Variants in CFAP91 observed in about 807,000 individuals in gnomAD.
CFAP91 encodes cilia- and flagella-associated protein 91.
In CFAP91, 85 loss-of-function variants were observed where a neutral mutation model predicts 95.9. The observed-to-expected ratio is 0.89, with a 90% CI of 0.74 to 1.06. The LOEUF (loss-of-function observed/expected upper bound fraction) is 1.06, where lower values mean the gene tolerates loss of function less well. CFAP91 is among the 50% of genes least tolerant of loss of function. CFAP91 has a pLI of 0.00. For missense variants in CFAP91, 962 were observed against 943.4 expected (o/e 1.02, Z -0.26); for synonymous variants, 335 against 327.5 (o/e 1.02, Z -0.25).
At position 119,742,995 on chromosome 3, in the gene CFAP91, A is replaced by G. The variant is rs1004140988; in HGVS notation, c.1681-980A>G. Among the ~76,000 whole-genome samples, 19 of 152,316 alleles carry G rather than the reference A, an allele frequency of 1.2e-4. No homozygotes were observed. The East Asian group carries it at 3.7e-3, about 29-fold the overall frequency. On this transcript the variant is annotated intron_variant, in intron 13 of 17. Coordinates refer to ENST00000273390, the MANE Select transcript of CFAP91 (RefSeq NM_033364.4). ...GGGGATGAAGTTGCAAAGTCATCTT[A>G]AACACTTTTCTTCTCCATATGTCAA...
chr3:119,717,660 G>A lies in CFAP91; in HGVS notation c.682+1917G>A, dbSNP rs182290877. On this transcript the variant is annotated intron_variant, in intron 6 of 17. Transcript: ENST00000273390. ...CCATACTGTAATGCAGCAGCGAGGT[G>A]AGAGCCTGCTGTGGCCTGCCCTTTT... Among the ~76,000 whole-genome samples the A allele has an allele frequency of 4.9e-3, 747 of 151,276 alleles. 6 individuals are homozygous for A. Among genetic ancestry groups the A allele is most frequent in the African/African-American group, 0.017 (704 of 41,184 alleles).
At chr3:119,747,572 A>G in intron 15 of CFAP91, 1 of 573,384 alleles carries the variant, frequency 1.7e-6, no homozygotes, top group South Asian at 2.3e-5. Flanking sequence ...GCTTCTATGT[A>G]TAAGCTGTGT....
At chr3:119,743,134 C>CTTT (rs1028044541) in intron 13 of CFAP91, among the ~76,000 whole-genome samples, 2 of 137,088 alleles carry the variant, frequency 1.5e-5, no homozygotes, top group African/African-American at 2.7e-5. Context: ...GTTTCCTGTG[C>CTTT]TTTTTTTTTT....
chr3:119,747,004 T>C, intron 14 of CFAP91, 111 bp from the exon 15 acceptor site: 1 of 802,054 alleles, frequency 1.2e-6, no homozygotes, highest in Non-Finnish European at 1.9e-6. Context: ...GACTGTTGAC[T>C]TATTAAATGA....
intron 17 of CFAP91, among the ~76,000 whole-genome samples, chr3:119,753,436 A>C (rs540009758): frequency 1.4e-3 from 214 of 152,326 alleles, no homozygotes; most frequent in Non-Finnish European, 1.9e-3. Context: ...AATTGAACTT[A>C]ACGAGATCCT....
At chr3:119,763,378 A>G (rs957978303) in intron 17 of CFAP91, among the ~76,000 whole-genome samples, 2 of 152,130 alleles carry the variant, frequency 1.3e-5, no homozygotes, top group African/African-American at 4.8e-5. Context: ...GGGAATGTAA[A>G]TTAGTACAGC....
At chr3:119,707,594 A>C in intron 3 of CFAP91, 33 bp downstream of exon 3, 1 of 1,518,018 alleles carries the variant, frequency 6.6e-7, no homozygotes, top group African/African-American at 1.4e-5. Flanking sequence ...GCCTAAAATA[A>C]ATGCATTAAA....
Position 119,740,703 on chromosome 3 carries a change from T to G in CFAP91, c.1680+8T>G, listed in dbSNP as rs1378285501. The G allele has an allele frequency of 1.9e-6, 3 of 1,610,724 alleles. No homozygotes were observed. Among genetic ancestry groups the G allele is most frequent in the African/African-American group, 1.3e-5 (1 of 74,812 alleles). The stretch of plus-strand genomic sequence containing the variant: ...AACTTGCATGAGCACAAGGTTTTCC[T>G]TTTTTTGTTTTCTTGTTACTTTCTT... On this transcript the variant is annotated splice_region_variant and intron_variant, in intron 13 of 17. Coordinates refer to ENST00000273390, the MANE Select transcript of CFAP91 (RefSeq NM_033364.4).
Position 119,751,072 on chromosome 3 carries a change from A to C in CFAP91, c.2279A>C (p.Glu760Ala), listed in dbSNP as rs139007479. ...AATGCTGCCATGTTACTTGAGAAAG[A>C]AACTCAAAATGAGAACAACAGCTAA... ...ASNAAMLLEK[E>A]TQNENNS The change falls in exon 17 of 18, where the codon GAA becomes GCA. Residue 760 changes from glutamate (E) to alanine (A), a missense_variant. Glu to Ala is a moderately radical substitution (Grantham distance 107). Transcript: ENST00000273390. 639 of 1,608,258 alleles carry C rather than the reference A, an allele frequency of 4.0e-4. 3 individuals are homozygous for C. Among genetic ancestry groups the C allele is most frequent in the Middle Eastern group, 5.0e-4 (3 of 6,056 alleles).
chr3:119,719,665 C>T (rs1250831754), intron 6 of CFAP91, among the ~76,000 whole-genome samples: 2 of 152,164 alleles, frequency 1.3e-5, no homozygotes, highest in African/African-American at 4.8e-5. Flanking sequence ...ATTAATAATA[C>T]AGCCAAGCCT....
chr3:119,703,049 C>A lies in CFAP91; in HGVS notation c.-50C>A, dbSNP rs1423302167. 1 of 1,542,662 alleles carries A rather than the reference C, an allele frequency of 6.5e-7. No individual in the cohort carries two copies. Among genetic ancestry groups the A allele is most frequent in the Non-Finnish European group, 8.8e-7 (1 of 1,142,302 alleles). Reference sequence around the variant, plus strand: ...TACCATAGCGACGTGCACGCAGTAGCCAGGCCTGACCCGCTGGTCCCTTGC... The same window carrying A: ...TACCATAGCGACGTGCACGCAGTAGACAGGCCTGACCCGCTGGTCCCTTGC... On this transcript the variant is annotated 5_prime_UTR_variant, in exon 1 of 18. Transcript: ENST00000273390.
chr3:119,703,079 G>T lies in CFAP91; in HGVS notation c.-20G>T. On this transcript the variant is annotated 5_prime_UTR_variant, in exon 1 of 18. Transcript: ENST00000273390. ...CCTGACCCGCTGGTCCCTTGCTGGC[G>T]GGAGGAAAGAGGCGGCACCATGAGC... 1 of 1,550,862 alleles carries T rather than the reference G, an allele frequency of 6.4e-7. No homozygotes were observed. The highest frequency in any genetic ancestry group is 8.7e-7 in the Non-Finnish European group (1 of 1,147,178).
At chr3:119,728,283 A>G (rs1315917068) in intron 7 of CFAP91, among the ~76,000 whole-genome samples, 1 of 152,170 alleles carries the variant, frequency 6.6e-6, no homozygotes, top group Non-Finnish European at 1.5e-5. Flanking sequence ...GACCAGCAGC[A>G]TCAACATTAC....
chr3:119,754,339 C>T lies in CFAP91; in HGVS notation c.*1+3241C>T, dbSNP rs2054382835. Among the ~76,000 whole-genome samples the T allele has an allele frequency of 2.6e-5, 4 of 152,324 alleles. No homozygotes were observed. The South Asian group carries it at 8.3e-4, about 32-fold the overall frequency. ...AAAGGAGCAACTTGGTTCCTCCTGA[C>T]TGCTTATCATAAAATGTGAATGGCA... On this transcript the variant is annotated intron_variant, in intron 17 of 17. Coordinates refer to ENST00000273390, the MANE Select transcript of CFAP91 (RefSeq NM_033364.4).
At position 119,709,879 on chromosome 3, in the gene CFAP91, G is replaced by A; in HGVS notation, c.484G>A (p.Val162Ile). ...TTTTCAGCAGATGCCATTCAATGTT[G>A]TTTATGCCGTATCCAAGTAAGTAAC... ...PFFQQMPFNV[V>I]YAVSKAEPYT... Residue 162 changes from valine to isoleucine, a missense_variant, in exon 5 of 18, where the codon GTT becomes ATT. Transcript: ENST00000273390. The A allele has an allele frequency of 1.9e-6, 3 of 1,610,916 alleles. No individual in the cohort carries two copies. The highest frequency in any genetic ancestry group is 1.7e-6 in the Non-Finnish European group (2 of 1,177,298).
chr3:119,714,212 A>T (rs1198396930), intron 5 of CFAP91, among the ~76,000 whole-genome samples: 1 of 151,864 alleles, frequency 6.6e-6, no homozygotes, highest in East Asian at 1.9e-4. Context: ...AATACAAAAA[A>T]AAAATTAGCC....
intron 17 of CFAP91, among the ~76,000 whole-genome samples, chr3:119,762,229 T>C (rs1300339504): frequency 6.7e-6 from 1 of 149,538 alleles, no homozygotes; most frequent in Non-Finnish European, 1.5e-5. Context: ...AACAATCCCA[T>C]TTATAATAGC....
At chr3:119,714,085 G>A (rs527444957) in intron 5 of CFAP91, among the ~76,000 whole-genome samples, 2 of 152,096 alleles carry the variant, frequency 1.3e-5, no homozygotes, top group South Asian at 4.2e-4. Flanking sequence ...TGGAGCAGCC[G>A]GGCGCGGTGG....
rs771020262 is a variant in CFAP91, at chr3:119,750,995, G to A, written c.2202G>A (p.Thr734=). 22 of 1,613,836 alleles carry A rather than the reference G, an allele frequency of 1.4e-5. No individual in the cohort carries two copies. Among genetic ancestry groups the A allele is most frequent in the Middle Eastern group, 3.3e-4 (2 of 6,082 alleles). ...LAAHQIIHSY[T]ESMVQKKLTE... is the part of the protein sequence containing the mutation. ...CCCATCAGATCATCCACAGTTACAC[G>A]GAAAGCATGGTTCAAAAGAAATTAA... is the stretch of plus-strand genomic sequence containing the variant. The change falls in exon 17 of 18, where the codon ACG becomes ACA. Residue 734 remains threonine (T), a synonymous_variant. Coordinates refer to ENST00000273390, the MANE Select transcript of CFAP91 (RefSeq NM_033364.4).
Sources: gnomAD v4.1 joint callset for allele counts (sites outside exome capture counted in the v4.1 genomes callset) on GRCh38, gnomAD v4.1.1 for gene constraint, MANE v1.5 for transcripts, NCBI Gene and HGNC (gene_info 2026-07-23, HGNC 2026-07-21) for gene names.